Variants in SAMD5 observed in about 807,000 individuals in gnomAD.
SAMD5 encodes the protein sterile alpha motif domain containing 5.
In SAMD5, 13 loss-of-function variants were observed where a neutral mutation model predicts 11.3. The observed-to-expected ratio is 1.15, with a 90% CI of 0.75 to 1.83. The LOEUF (loss-of-function observed/expected upper bound fraction) is 1.83, where lower values mean the gene tolerates loss of function less well. Among genes scored for constraint, SAMD5 ranks in the 40% most tolerant of loss-of-function variants. SAMD5 has a pLI of 0.00. For missense variants in SAMD5, 255 were observed against 239.1 expected, an observed-to-expected ratio of 1.07 and a Z score of -0.44; for synonymous variants, 129 against 111.3, an observed-to-expected ratio of 1.16 and a Z score of -1.00.
At chr6:147,646,026 G>GTATCTATC (rs200304460) in intron 1 of SAMD5, among the ~76,000 whole-genome samples, 329 of 52,374 alleles carry the variant, frequency 6.3e-3, no homozygotes, top group Middle Eastern at 0.021. Flanking sequence ...ATCTATCTAT[G>GTATCTATC]TATCTATCTA....
intron 1 of SAMD5, among the ~76,000 whole-genome samples, chr6:147,641,015 T>C (rs771654698): frequency 6.6e-6 from 1 of 152,248 alleles, no homozygotes; most frequent in African/African-American, 2.4e-5. Context: ...AATAGTAAGT[T>C]TGATTCCTTA....
chr6:147,789,346 C>CACAT, the SAMD5 span, among the ~76,000 whole-genome samples: 1 of 152,044 alleles, frequency 6.6e-6, no homozygotes, highest in South Asian at 2.1e-4. Flanking sequence ...CTACCGCACA[C>CACAT]ACATACATAC....
chr6:147,552,683 G>T (rs768954346), intron 1 of SAMD5, among the ~76,000 whole-genome samples: 1 of 152,196 alleles, frequency 6.6e-6, no homozygotes, highest in Non-Finnish European at 1.5e-5. Context: ...AGGTGACTCT[G>T]TGTGTGTGTT....
chr6:147,536,140 T>G (rs1036135993), intron 1 of SAMD5, among the ~76,000 whole-genome samples: 1 of 152,142 alleles, frequency 6.6e-6, no homozygotes, highest in Non-Finnish European at 1.5e-5. Context: ...CCTGCCACCA[T>G]GCCCAGCTGA....
At chr6:147,705,174 C>A (rs1195631829) in intron 1 of SAMD5, among the ~76,000 whole-genome samples, 1 of 152,006 alleles carries the variant, frequency 6.6e-6, no homozygotes, top group African/African-American at 2.4e-5. Flanking sequence ...TCTGAGTGTC[C>A]TTCTCATTTT....
At chr6:147,763,643 C>T in the SAMD5 span, among the ~76,000 whole-genome samples, 17 of 152,056 alleles carry the variant, frequency 1.1e-4, no homozygotes, top group South Asian at 4.1e-4. Context: ...TGCAGTGGCG[C>T]GATTTTGGCT....
intron 1 of SAMD5, among the ~76,000 whole-genome samples, chr6:147,663,791 CAAAA>C (rs199707045): frequency 5.1e-4 from 42 of 83,076 alleles, no homozygotes; most frequent in Middle Eastern, 8.1e-3. Flanking sequence ...AACTCTGTCT[CAAAA>C]AAAAAAAAAA....
chr6:147,632,379 A>G (rs904764739), intron 1 of SAMD5, among the ~76,000 whole-genome samples: 1 of 152,228 alleles, frequency 6.6e-6, no homozygotes, highest in Middle Eastern at 3.2e-3. Context: ...ATTGACGCAT[A>G]GTCCTTTTGC....
the SAMD5 span, among the ~76,000 whole-genome samples, chr6:147,774,716 TA>T: frequency 3.3e-5 from 5 of 152,140 alleles, no homozygotes; most frequent in Non-Finnish European, 7.3e-5. Context: ...GTTATATTGT[TA>T]TTTTTTATAG....
At chr6:147,837,657 TG>T in the SAMD5 span, among the ~76,000 whole-genome samples, 1 of 152,206 alleles carries the variant, frequency 6.6e-6, no homozygotes, top group Non-Finnish European at 1.5e-5. Flanking sequence ...AGAAGTTAAC[TG>T]GGTCCTTGGA....
At chr6:147,626,791 GAAA>G (rs529975933) in intron 1 of SAMD5, among the ~76,000 whole-genome samples, 1,839 of 54,672 alleles carry the variant, frequency 0.034, 18 homozygotes, top group African/African-American at 0.094. Flanking sequence ...CTGTTTCTAT[GAAA>G]AAAAAAAAAA....
At chr6:147,591,894 A>G (rs1022559088) in intron 1 of SAMD5, among the ~76,000 whole-genome samples, 1 of 152,092 alleles carries the variant, frequency 6.6e-6, no homozygotes, top group African/African-American at 2.4e-5. Context: ...AGAAGGGCTC[A>G]GGAGGCGGTT....
At chr6:147,558,007 G>A (rs900674579) in intron 1 of SAMD5, among the ~76,000 whole-genome samples, 1 of 152,170 alleles carries the variant, frequency 6.6e-6, no homozygotes, top group Non-Finnish European at 1.5e-5. Flanking sequence ...TGGGAGGTAG[G>A]CACAGAGGGA....
chr6:147,903,856 CGAG>C, the SAMD5 span, among the ~76,000 whole-genome samples: 4 of 151,138 alleles, frequency 2.6e-5, no homozygotes, highest in Non-Finnish European at 4.4e-5. Context: ...TGCAGTGAGC[CGAG>C]ATCATGCCAC....
At chr6:147,835,310 T>A in the SAMD5 span, among the ~76,000 whole-genome samples, 1 of 151,696 alleles carries the variant, frequency 6.6e-6, no homozygotes, top group Middle Eastern at 3.4e-3. Context: ...CATCATCTGG[T>A]TTCTTTGAGA....
chr6:147,854,247 A>T, the SAMD5 span, among the ~76,000 whole-genome samples: 2 of 152,326 alleles, frequency 1.3e-5, no homozygotes, highest in African/African-American at 4.8e-5. Context: ...GACTGGACCA[A>T]CTGTTCTTGG....
chr6:147,517,873 G>GT (rs564247973), intron 1 of SAMD5, among the ~76,000 whole-genome samples: 2,418 of 134,526 alleles, frequency 0.018, 30 homozygotes, highest in African/African-American at 0.042. Flanking sequence ...ATAATGAGGT[G>GT]TTTTTTTTTT....
At chr6:147,771,139 A>G in the SAMD5 span, among the ~76,000 whole-genome samples, 1 of 152,196 alleles carries the variant, frequency 6.6e-6, no homozygotes, top group Non-Finnish European at 1.5e-5. Context: ...TTGCTCACCT[A>G]CAACAAGATG....
chr6:147,742,573 C>T, the SAMD5 span, among the ~76,000 whole-genome samples: 1 of 152,104 alleles, frequency 6.6e-6, no homozygotes, highest in Non-Finnish European at 1.5e-5. Flanking sequence ...TTTGACTTTT[C>T]TTCATGCTTA....
Sources: allele counts gnomAD v4.1 joint callset (sites outside exome capture counted in the v4.1 genomes callset), GRCh38; gene constraint gnomAD v4.1.1; transcripts MANE v1.5; gene names NCBI Gene and HGNC (gene_info 2026-07-23, HGNC 2026-07-21).